PTPRD: variants seen among roughly 807,000 people sequenced by gnomAD.
PTPRD encodes protein tyrosine phosphatase receptor type D.
Under a neutral mutation model 214.5 loss-of-function variants are expected in PTPRD, and 34 were observed. The observed-to-expected ratio is 0.16, with a 90% confidence interval of 0.12 to 0.21. The LOEUF (loss-of-function observed/expected upper bound fraction) is 0.21. Ranked by LOEUF, PTPRD falls within the 10% of genes least tolerant of loss-of-function variation. The pLI is 1.00. For missense variants in PTPRD, 2,545 were observed against 2,398.7 expected (o/e 1.06, Z -1.27); for synonymous variants, 1,128 against 845.7 (o/e 1.33, Z -5.79).
chr9:8,966,019 A>G (rs371523865), intron 11 of PTPRD, among the ~76,000 whole-genome samples: 43 of 152,134 alleles, frequency 2.8e-4, no homozygotes, highest in African/African-American at 9.7e-4. Flanking sequence ...GAAATCAAGA[A>G]TACAATCCCA....
At chr9:10,037,357 G>A (rs2097203712) in intron 3 of PTPRD, among the ~76,000 whole-genome samples, 2 of 151,936 alleles carry the variant, frequency 1.3e-5, no homozygotes, top group South Asian at 4.2e-4. Flanking sequence ...CAGCAGGAGT[G>A]AGTAACAATG....
chr9:9,274,707 T>C (rs1012209624), intron 9 of PTPRD, among the ~76,000 whole-genome samples: 1 of 151,154 alleles, frequency 6.6e-6, no homozygotes, highest in Non-Finnish European at 1.5e-5. Flanking sequence ...TTTGTGCAAG[T>C]AGAATAATTG....
At chr9:9,914,846 C>G (rs1206703247) in intron 5 of PTPRD, among the ~76,000 whole-genome samples, 2 of 152,118 alleles carry the variant, frequency 1.3e-5, no homozygotes, top group Admixed American at 6.6e-5. Flanking sequence ...GAAACTGCTT[C>G]TATGTCATGG....
chr9:9,814,141 T>C (rs1278821688), intron 5 of PTPRD, among the ~76,000 whole-genome samples: 1 of 152,112 alleles, frequency 6.6e-6, no homozygotes, highest in Non-Finnish European at 1.5e-5. Flanking sequence ...AGAAGACATG[T>C]AAATCAACAT....
rs190468577 is a variant in PTPRD, at chr9:10,475,802, C to T, written c.-599-134785G>A. Among the ~76,000 whole-genome samples, 693 of 152,006 alleles carry T rather than the reference C, an allele frequency of 4.6e-3. 7 individuals are homozygous for T. The highest frequency in any genetic ancestry group is 0.016 in the African/African-American group (662 of 41,492). On this transcript the variant is annotated intron_variant, in intron 2 of 45. Coordinates refer to ENST00000381196, the MANE Select transcript of PTPRD (RefSeq NM_002839.4). Reference sequence around the variant, plus strand: ...ACCACGATCAAGTCGGTTTCATCCCCAGGATGCAAGGCTGGTTCAATATAT... The same window carrying T: ...ACCACGATCAAGTCGGTTTCATCCCTAGGATGCAAGGCTGGTTCAATATAT...
intron 11 of PTPRD, among the ~76,000 whole-genome samples, chr9:8,845,130 G>A (rs369479937): frequency 6.6e-6 from 1 of 150,798 alleles, no homozygotes; most frequent in Non-Finnish European, 1.5e-5. Flanking sequence ...ACACAAGTGA[G>A]TGAGTGAATA....
rs201767399 is a variant in PTPRD at position 9,186,762 on chromosome 9, TC to T, written c.-202-3400del. 2.4e-4 allele frequency among the ~76,000 whole-genome samples: 36 copies of T among 152,102 alleles called. No individual in the cohort carries two copies. The East Asian group carries it at 6.4e-3, about 27-fold the overall frequency. ...ATTCACTTTGGTCATAACCCAGTTTTCCACCTTCACAGAAATAACAAACATT... is the reference window on the plus strand; with the variant it reads ...ATTCACTTTGGTCATAACCCAGTTTTCACCTTCACAGAAATAACAAACATT... On this transcript the variant is annotated intron_variant, in intron 9 of 45. Transcript: ENST00000381196.
intron 5 of PTPRD, among the ~76,000 whole-genome samples, chr9:9,805,070 C>G (rs76662973): frequency 0.061 from 9,226 of 152,026 alleles, 1,521 homozygotes; most frequent in East Asian, 0.6. Context: ...AGTGTAAACA[C>G]TCTCTTTTAA....
intron 11 of PTPRD, among the ~76,000 whole-genome samples, chr9:9,012,142 T>G (rs1005106617): frequency 1.3e-5 from 2 of 152,010 alleles, no homozygotes; most frequent in South Asian, 4.1e-4. Flanking sequence ...GAGTAGCCTC[T>G]AGCCAACAGC....
At chr9:9,023,111 A>G (rs1306637056) in intron 10 of PTPRD, among the ~76,000 whole-genome samples, 2 of 152,126 alleles carry the variant, frequency 1.3e-5, no homozygotes, top group African/African-American at 4.8e-5. Flanking sequence ...GGGTTTTGGT[A>G]GGAATAAGTG....
intron 4 of PTPRD, among the ~76,000 whole-genome samples, chr9:9,966,980 A>C (rs1208892919): frequency 6.6e-6 from 1 of 152,150 alleles, no homozygotes; most frequent in Non-Finnish European, 1.5e-5. Context: ...CAGCAATCTG[A>C]ATAATGGAGA....
intron 10 of PTPRD, among the ~76,000 whole-genome samples, chr9:9,120,210 A>G (rs1012730801): frequency 2.0e-5 from 3 of 152,230 alleles, no homozygotes; most frequent in Admixed American, 6.5e-5. Flanking sequence ...ACTAGACTGA[A>G]GAAATCTGTT....
chr9:9,569,752 G>A (rs894544662), intron 8 of PTPRD, among the ~76,000 whole-genome samples: 3 of 151,624 alleles, frequency 2.0e-5, no homozygotes, highest in African/African-American at 4.8e-5. Context: ...GGGAACGGGG[G>A]AAGGCTAGAT....
intron 43 of PTPRD, among the ~76,000 whole-genome samples, chr9:8,332,296 G>C (rs1842238887): frequency 6.6e-6 from 1 of 152,014 alleles, no homozygotes; most frequent in Admixed American, 6.6e-5. Context: ...TAAAGTATCT[G>C]ACACAAACCC....
At chr9:8,802,620 T>C (rs1244580734) in intron 11 of PTPRD, among the ~76,000 whole-genome samples, 4 of 152,220 alleles carry the variant, frequency 2.6e-5, no homozygotes, top group Admixed American at 1.3e-4. Context: ...AAATTCTAGC[T>C]CCTTCCTTCT....
At chr9:8,793,302 G>A (rs928688112) in intron 11 of PTPRD, among the ~76,000 whole-genome samples, 3 of 152,088 alleles carry the variant, frequency 2.0e-5, no homozygotes, top group South Asian at 2.1e-4. Flanking sequence ...GCAGTCCAAC[G>A]GTGGAACTCA....
chr9:8,529,307 G>A (rs971052747), intron 14 of PTPRD, among the ~76,000 whole-genome samples: 3 of 152,064 alleles, frequency 2.0e-5, no homozygotes, highest in African/African-American at 7.2e-5. Context: ...CTGTTTCAAA[G>A]CTGGTATGTT....
rs535460450 is a variant in PTPRD at position 8,946,903 on chromosome 9, C to G, written c.-104+71794G>C. Among the ~76,000 whole-genome samples the G allele has an allele frequency of 4.6e-5, 7 of 151,274 alleles. No individual in the cohort carries two copies. In the South Asian group the frequency reaches 1.5e-3, roughly 32 times the overall value. ...TCTCTCTTTTTCTATTGGTCTCTTT[C>G]TTTCTGTCTCTAACTGTGTCTCTTT... On this transcript the variant is annotated intron_variant, in intron 11 of 45. Transcript: ENST00000381196.
At chr9:9,091,381 A>G (rs1370027443) in intron 10 of PTPRD, 51 of 670,234 alleles carry the variant, frequency 7.6e-5, no homozygotes, top group Non-Finnish European at 5.8e-5. Context: ...ATCTCCAATC[A>G]CCTTATGACT....
Sources: allele counts gnomAD v4.1 joint callset (sites outside exome capture counted in the v4.1 genomes callset), GRCh38; gene constraint gnomAD v4.1.1; transcripts MANE v1.5; gene names NCBI Gene and HGNC (gene_info 2026-07-23, HGNC 2026-07-21).